RBMS3: variants seen among roughly 807,000 people sequenced by gnomAD.
The protein encoded by RBMS3 is RNA binding motif single stranded interacting protein 3.
A neutral mutation model predicts 66.8 loss-of-function variants in RBMS3; 27 were observed. That is an observed-to-expected ratio of 0.40 (90% CI 0.30 to 0.56). The LOEUF is 0.56. Among genes scored for constraint, RBMS3 ranks in the 20% least tolerant of loss-of-function variants. The pLI is 0.40. For synonymous variants in RBMS3, 188 were observed against 183.0 expected (o/e 1.03, Z -0.22); for missense variants, 513 against 549.5 (o/e 0.93, Z 0.66).
intron 10 of RBMS3, among the ~76,000 whole-genome samples, chr3:29,920,894 A>G (rs1269307052): frequency 6.6e-6 from 1 of 151,226 alleles, no homozygotes; most frequent in Non-Finnish European, 1.5e-5. Context: ...ATTATAAACC[A>G]GTGAAGCTTT....
chr3:29,947,060 T>C (rs1695371192), intron 12 of RBMS3, among the ~76,000 whole-genome samples: 1 of 151,556 alleles, frequency 6.6e-6, no homozygotes, highest in Non-Finnish European at 1.5e-5. Context: ...CAGTGGTGGA[T>C]GAGAGATAGA....
At chr3:29,611,919 T>A (rs1290836628) in intron 4 of RBMS3, among the ~76,000 whole-genome samples, 1 of 152,026 alleles carries the variant, frequency 6.6e-6, no homozygotes, top group African/African-American at 2.4e-5. Context: ...TCCTCCCCAA[T>A]GTACATATAT....
chr3:29,643,840 A>ATTT (rs1490705718), intron 4 of RBMS3, among the ~76,000 whole-genome samples: 1 of 152,184 alleles, frequency 6.6e-6, no homozygotes, highest in Admixed American at 6.6e-5. Flanking sequence ...TGTAATCACA[A>ATTT]TTTTAACATG....
chr3:29,431,918 G>T (rs1405644887), intron 1 of RBMS3, among the ~76,000 whole-genome samples: 1 of 151,798 alleles, frequency 6.6e-6, no homozygotes, highest in African/African-American at 2.4e-5. Flanking sequence ...TATAGAGATG[G>T]GGTTTTGCCA....
chr3:29,694,094 A>G (rs1345080368), intron 4 of RBMS3, among the ~76,000 whole-genome samples: 3 of 152,018 alleles, frequency 2.0e-5, no homozygotes, highest in African/African-American at 7.2e-5. Context: ...TGAAACATGT[A>G]TGGAATGCAT....
At chr3:29,329,718 T>C (rs1309551955) in intron 1 of RBMS3, among the ~76,000 whole-genome samples, 1 of 151,624 alleles carries the variant, frequency 6.6e-6, no homozygotes, top group Non-Finnish European at 1.5e-5. Flanking sequence ...AGCACAGTTC[T>C]AGCATCTGAG....
intron 10 of RBMS3, among the ~76,000 whole-genome samples, chr3:29,918,382 T>C (rs1018240642): frequency 2.0e-5 from 3 of 152,146 alleles, no homozygotes; most frequent in Admixed American, 1.3e-4. Context: ...TTTTATGATT[T>C]AGCTAAAAGC....
At chr3:29,382,808 C>A (rs953219899) in intron 1 of RBMS3, among the ~76,000 whole-genome samples, 2 of 151,578 alleles carry the variant, frequency 1.3e-5, no homozygotes, top group Non-Finnish European at 3.0e-5. Flanking sequence ...AATATAGAAT[C>A]CAGAGATGAG....
intron 3 of RBMS3, among the ~76,000 whole-genome samples, chr3:29,542,667 CA>C (rs1285296881): frequency 1.3e-5 from 2 of 152,038 alleles, no homozygotes; most frequent in African/African-American, 4.8e-5. Flanking sequence ...AGCCCATCCC[CA>C]ATTTTTAAAT....
At chr3:29,994,925 A>T (rs1312758095) in intron 14 of RBMS3, among the ~76,000 whole-genome samples, 2 of 152,252 alleles carry the variant, frequency 1.3e-5, no homozygotes, top group Non-Finnish European at 2.9e-5. Context: ...TGGATGGAGA[A>T]TGACTTTGAC....
At chr3:29,686,222 A>G (rs1490130991) in intron 4 of RBMS3, among the ~76,000 whole-genome samples, 1 of 152,166 alleles carries the variant, frequency 6.6e-6, no homozygotes, top group African/African-American at 2.4e-5. Context: ...TACTCTAATC[A>G]GTACATTCTA....
At chr3:29,353,551 C>T (rs2037047776) in intron 1 of RBMS3, among the ~76,000 whole-genome samples, 1 of 152,006 alleles carries the variant, frequency 6.6e-6, no homozygotes, top group South Asian at 2.1e-4. Context: ...AATCATGCTT[C>T]ATTTTGCCAT....
At chr3:29,614,753 C>T (rs927386966) in intron 4 of RBMS3, 2 of 152,000 alleles carry the variant, frequency 1.3e-5, no homozygotes, top group African/African-American at 4.8e-5. Context: ...TCTCTGGAAA[C>T]TATGTTTTCA....
At chr3:29,312,705 T>C (rs2034452303) in intron 1 of RBMS3, among the ~76,000 whole-genome samples, 1 of 151,520 alleles carries the variant, frequency 6.6e-6, no homozygotes, top group African/African-American at 2.4e-5. Context: ...CCCTCTCCTT[T>C]TTTTTTTCTC....
intron 12 of RBMS3, among the ~76,000 whole-genome samples, chr3:29,979,144 A>G (rs2149778083): frequency 6.6e-6 from 1 of 151,948 alleles, no homozygotes; most frequent in African/African-American, 2.4e-5. Flanking sequence ...AACAAAAAGA[A>G]ACGAGAAGGA....
Position 29,534,320 on chromosome 3 carries a change from G to A in RBMS3, c.307+45821G>A, listed in dbSNP as rs539439022. ...CTGAGTTTCTGCGGAAGGAAAGAGA[G>A]TAATAGCCAGATACGTCATGCCTCC... On this transcript the variant is annotated intron_variant, in intron 3 of 14. Transcript: ENST00000383767. Among the ~76,000 whole-genome samples, 276 of 152,332 alleles carry A rather than the reference G, an allele frequency of 1.8e-3. 1 individual carries two copies. Among genetic ancestry groups the A allele is most frequent in the African/African-American group, 6.2e-3 (258 of 41,574 alleles).
chr3:29,975,397 G>T (rs1697516683), intron 12 of RBMS3, among the ~76,000 whole-genome samples: 1 of 151,538 alleles, frequency 6.6e-6, no homozygotes, highest in African/African-American at 2.4e-5. Flanking sequence ...AGTTCCTATT[G>T]TCCACATCCT....
intron 1 of RBMS3, among the ~76,000 whole-genome samples, chr3:29,314,489 C>T (rs1344164116): frequency 6.6e-6 from 1 of 151,674 alleles, no homozygotes; most frequent in Non-Finnish European, 1.5e-5. Flanking sequence ...TTCATGCTTT[C>T]CATGACTGTG....
intron 1 of RBMS3, among the ~76,000 whole-genome samples, chr3:29,309,496 A>G (rs2034238205): frequency 6.6e-6 from 1 of 151,650 alleles, no homozygotes; most frequent in South Asian, 2.1e-4. Flanking sequence ...ACTATGATGT[A>G]TTTTGTCATT....
Sources: gnomAD v4.1 joint callset for allele counts (sites outside exome capture counted in the v4.1 genomes callset) on GRCh38, gnomAD v4.1.1 for gene constraint, MANE v1.5 for transcripts, NCBI Gene and HGNC (gene_info 2026-07-23, HGNC 2026-07-21) for gene names.